The following PCDH15 variants were observed in gnomAD, a reference collection of about 807,000 sequenced individuals.
PCDH15 encodes the protein protocadherin related 15.
A neutral mutation model predicts 178.5 loss-of-function variants in PCDH15; 129 were observed. That is an observed-to-expected ratio of 0.72 (90% CI 0.63 to 0.84). The LOEUF is 0.84. Among genes scored for constraint, PCDH15 ranks in the 40% least tolerant of loss-of-function variants. The pLI is 0.00. For missense variants in PCDH15, 2,230 were observed against 2,099.9 expected, an observed-to-expected ratio of 1.06 and a Z score of -1.21; for synonymous variants, 800 against 732.0, an observed-to-expected ratio of 1.09 and a Z score of -1.50.
At chr10:54,462,528 T>C (rs2077250833) in intron 3 of PCDH15, among the ~76,000 whole-genome samples, 1 of 138,286 alleles carries the variant, frequency 7.2e-6, no homozygotes, top group Non-Finnish European at 1.6e-5. Context: ...TTTTTTTTTT[T>C]TTTTGAGATG....
At chr10:54,264,210 T>C (rs2057520352) in intron 8 of PCDH15, among the ~76,000 whole-genome samples, 1 of 152,080 alleles carries the variant, frequency 6.6e-6, no homozygotes, top group East Asian at 1.9e-4. Context: ...AAACTCCCCT[T>C]CAAATGTACA....
chr10:54,269,435 A>C (rs1300228003), intron 8 of PCDH15, among the ~76,000 whole-genome samples: 1 of 152,022 alleles, frequency 6.6e-6, no homozygotes, highest in African/African-American at 2.4e-5. Context: ...AAGTTAAAAA[A>C]GATGAAAAAC....
chr10:54,706,872 T>A (rs2095370587), intron 1 of PCDH15, among the ~76,000 whole-genome samples: 1 of 152,164 alleles, frequency 6.6e-6, no homozygotes, highest in Non-Finnish European at 1.5e-5. Flanking sequence ...TCTTCCCACC[T>A]TGGCCTCCCA....
chr10:55,575,819 C>T (rs527735959), intron 2 of PCDH15: 2 of 152,240 alleles, frequency 1.3e-5, no homozygotes, highest in South Asian at 2.1e-4. Flanking sequence ...TGAATATCAG[C>T]CTTACTTCTT....
intron 2 of PCDH15, among the ~76,000 whole-genome samples, chr10:55,061,149 A>G (rs1841419031): frequency 6.6e-6 from 1 of 152,304 alleles, no homozygotes; most frequent in Non-Finnish European, 1.5e-5. Context: ...AGTCACAGAT[A>G]ATATTTGAGA....
intron 4 of PCDH15, among the ~76,000 whole-genome samples, chr10:54,375,181 G>C (rs1260496518): frequency 6.6e-6 from 1 of 152,038 alleles, no homozygotes; most frequent in Admixed American, 6.6e-5. Context: ...ATTTCTCTCA[G>C]AAATTTTAAA....
chr10:54,594,072 T>A (rs780421416), intron 2 of PCDH15, among the ~76,000 whole-genome samples: 1 of 152,130 alleles, frequency 6.6e-6, no homozygotes, highest in Non-Finnish European at 1.5e-5. Context: ...GACTCATTCC[T>A]GGCTCCCAGC....
chr10:54,342,407 T>C (rs1027799260), intron 6 of PCDH15, among the ~76,000 whole-genome samples: 3 of 152,122 alleles, frequency 2.0e-5, no homozygotes, highest in African/African-American at 7.2e-5. Context: ...TTACATGTGG[T>C]GTTGGGCCTG....
chr10:54,703,299 C>G (rs2095331633), intron 1 of PCDH15, among the ~76,000 whole-genome samples: 1 of 151,918 alleles, frequency 6.6e-6, no homozygotes, highest in African/African-American at 2.4e-5. Flanking sequence ...CAGGAAGTGT[C>G]CCCTGCTGAG....
chr10:54,767,598 C>T (rs551615938), intron 1 of PCDH15, among the ~76,000 whole-genome samples: 2 of 152,156 alleles, frequency 1.3e-5, no homozygotes, highest in South Asian at 4.1e-4. Context: ...CTATTTCATC[C>T]AGGAGATCAA....
At chr10:54,052,808 C>T (rs1032853720) in intron 18 of PCDH15, among the ~76,000 whole-genome samples, 8 of 152,038 alleles carry the variant, frequency 5.3e-5, no homozygotes, top group Non-Finnish European at 8.8e-5. Context: ...TCCCATAATC[C>T]GCATGTGTTG....
At chr10:55,061,107 C>G (rs11004716) in intron 2 of PCDH15, among the ~76,000 whole-genome samples, 9,354 of 151,920 alleles carry the variant, frequency 0.062, 403 homozygotes, top group African/African-American at 0.11. Context: ...TTTCTGTTCT[C>G]CATAAGACAA....
chr10:54,505,559 C>T (rs973339666), intron 3 of PCDH15, among the ~76,000 whole-genome samples: 5 of 151,932 alleles, frequency 3.3e-5, no homozygotes, highest in Admixed American at 3.3e-4. Flanking sequence ...TAAAACCAAA[C>T]ACCGCATGTT....
chr10:54,523,107 G>A (rs573501680), intron 3 of PCDH15, among the ~76,000 whole-genome samples: 2 of 152,264 alleles, frequency 1.3e-5, no homozygotes, highest in South Asian at 4.1e-4. Flanking sequence ...AAAGAGCTTA[G>A]TGCTAACCAG....
intron 2 of PCDH15, among the ~76,000 whole-genome samples, chr10:54,632,123 C>CCTTACAGCAACA (rs202010285): frequency 0.01 from 1,560 of 152,068 alleles, 24 homozygotes; most frequent in African/African-American, 0.035. Flanking sequence ...AAATCATGTC[C>CCTTACAGCAACA]CTTACAGCAA....
intron 2 of PCDH15, among the ~76,000 whole-genome samples, chr10:55,077,284 G>A (rs767339336): frequency 2.8e-4 from 42 of 151,982 alleles, no homozygotes; most frequent in Non-Finnish European, 5.0e-4. Flanking sequence ...AAGGTTATTG[G>A]TATGTGAGGT....
intron 2 of PCDH15, among the ~76,000 whole-genome samples, chr10:55,003,721 G>A (rs1281108000): frequency 1.3e-5 from 2 of 152,204 alleles, no homozygotes; most frequent in Admixed American, 6.5e-5. Context: ...TTTCAGATAT[G>A]AGTAGCCTGC....
intron 17 of PCDH15, among the ~76,000 whole-genome samples, chr10:54,071,354 A>G (rs1292863965): frequency 6.6e-6 from 1 of 152,188 alleles, no homozygotes; most frequent in Non-Finnish European, 1.5e-5. Flanking sequence ...CTTGTTAATC[A>G]ACTTAATGAA....
rs563243449 is a variant in PCDH15 at position 53,935,463 on chromosome 10, A to G, written c.3373+3352T>C. 5.8e-4 allele frequency among the ~76,000 whole-genome samples: 89 copies of G among 152,190 alleles called. 3 individuals carry two copies. Among genetic ancestry groups the G allele is most frequent in the Non-Finnish European group, 5.0e-4 (34 of 68,028 alleles). The stretch of plus-strand genomic sequence containing the variant: ...GAGCAGTGCAAAAAAAAAGTGTACC[A>G]TGTAATGTAAAAGTAAGTCGTAGAA... On this transcript the variant is annotated intron_variant, in intron 25 of 37. Transcript: ENST00000644397.
Sources: gnomAD v4.1 joint callset for allele counts (sites outside exome capture counted in the v4.1 genomes callset) on GRCh38, gnomAD v4.1.1 for gene constraint, MANE v1.5 for transcripts, NCBI Gene and HGNC (gene_info 2026-07-23, HGNC 2026-07-21) for gene names.